CEP112: variants seen among roughly 807,000 people sequenced by gnomAD.
The protein encoded by CEP112 is centrosomal protein 112.
In CEP112, 127 loss-of-function variants were observed where a neutral mutation model predicts 153.0. That is an observed-to-expected ratio of 0.83 (90% CI 0.72 to 0.96). CEP112 has a LOEUF of 0.96. Ranked by LOEUF, CEP112 falls within the 40% of genes least tolerant of loss-of-function variation. The probability of loss-of-function intolerance (pLI) is 0.00; values close to 1 mark genes in which losing one functional copy is unlikely to be tolerated. For synonymous variants in CEP112, 358 were observed against 374.4 expected (o/e 0.96, Z 0.51); for missense variants, 1,089 against 1,101.2 (o/e 0.99, Z 0.16).
intron 24 of CEP112, among the ~76,000 whole-genome samples, chr17:65,672,506 T>C (rs1321808659): frequency 6.6e-6 from 1 of 152,242 alleles, no homozygotes; most frequent in African/African-American, 2.4e-5. Context: ...TCTTTATAGA[T>C]GATATTTACT....
At chr17:65,682,572 C>G (rs1173267000) in intron 24 of CEP112, among the ~76,000 whole-genome samples, 3 of 152,162 alleles carry the variant, frequency 2.0e-5, no homozygotes, top group African/African-American at 7.2e-5. Flanking sequence ...GCATTCCATC[C>G]AGAATTGGCT....
At chr17:66,047,336 C>T (rs9910065) in intron 12 of CEP112, among the ~76,000 whole-genome samples, 8,132 of 152,160 alleles carry the variant, frequency 0.053, 287 homozygotes, top group African/African-American at 0.087. Flanking sequence ...AGGCTGGTCT[C>T]GAACTCCTGA....
intron 18 of CEP112, among the ~76,000 whole-genome samples, chr17:65,955,347 T>C (rs1387528037): frequency 6.6e-6 from 1 of 152,136 alleles, no homozygotes; most frequent in African/African-American, 2.4e-5. Flanking sequence ...CACCACTAAA[T>C]GAACTGCTAA....
At chr17:66,168,876 C>CATGCTT (rs2072114909) in intron 4 of CEP112, among the ~76,000 whole-genome samples, 2 of 152,116 alleles carry the variant, frequency 1.3e-5, no homozygotes, top group Non-Finnish European at 2.9e-5. Flanking sequence ...GGCTCTCACC[C>CATGCTT]ATGCTTCTCC....
At chr17:65,987,285 C>T (rs1221917269) in intron 17 of CEP112, among the ~76,000 whole-genome samples, 7 of 151,732 alleles carry the variant, frequency 4.6e-5, no homozygotes, top group African/African-American at 1.2e-4. Context: ...ATGCAGAGCA[C>T]AATAAAAATT....
intron 4 of CEP112, among the ~76,000 whole-genome samples, chr17:66,169,221 A>G (rs1385862337): frequency 5.9e-5 from 9 of 151,960 alleles, no homozygotes; most frequent in African/African-American, 2.2e-4. Flanking sequence ...GACATAGCTG[A>G]GTAAAAAAAA....
At chr17:65,733,023 G>C (rs936537273) in intron 23 of CEP112, among the ~76,000 whole-genome samples, 1 of 152,232 alleles carries the variant, frequency 6.6e-6, no homozygotes, top group South Asian at 2.1e-4. Flanking sequence ...CTTTGGGCCT[G>C]TCTCGGCTTT....
chr17:65,961,729 C>A, intron 17 of CEP112, 131 bp from the exon 18 acceptor site: 1 of 790,106 alleles, frequency 1.3e-6, no homozygotes, highest in South Asian at 2.5e-5. Flanking sequence ...ACAAAACTTC[C>A]CTTTAGAAAT....
chr17:65,920,393 AT>A (rs1299156678), intron 19 of CEP112, among the ~76,000 whole-genome samples: 3 of 111,230 alleles, frequency 2.7e-5, no homozygotes, highest in East Asian at 2.9e-4. Flanking sequence ...ATATATATAT[AT>A]ATATATATAT....
At chr17:66,006,288 C>A (rs1191015416) in intron 16 of CEP112, among the ~76,000 whole-genome samples, 1 of 152,026 alleles carries the variant, frequency 6.6e-6, no homozygotes, top group Non-Finnish European at 1.5e-5. Flanking sequence ...AATGAGATGG[C>A]AGCATCAATA....
At chr17:65,995,184 G>C (rs34030101) in intron 17 of CEP112, among the ~76,000 whole-genome samples, 9 of 125,160 alleles carry the variant, frequency 7.2e-5, no homozygotes, top group Non-Finnish European at 1.5e-4. Context: ...GGGGGGTGGG[G>C]AGGCAAGTTT....
At chr17:66,181,341 T>C (rs1251305889) in intron 2 of CEP112, among the ~76,000 whole-genome samples, 1 of 152,162 alleles carries the variant, frequency 6.6e-6, no homozygotes, top group East Asian at 1.9e-4. Context: ...GAATTCTATG[T>C]ACCTAACTTT....
intron 6 of CEP112, among the ~76,000 whole-genome samples, chr17:66,121,870 G>A (rs182470027): frequency 6.6e-6 from 1 of 151,798 alleles, no homozygotes; most frequent in East Asian, 1.9e-4. Context: ...ATGTGATATG[G>A]TCATCACAGC....
Position 66,170,798 on chromosome 17 carries a change from T to C in CEP112, c.470+4246A>G, listed in dbSNP as rs139455359. On this transcript the variant is annotated intron_variant, in intron 4 of 26. Coordinates refer to ENST00000535342, the MANE Select transcript of CEP112 (RefSeq NM_001199165.4). ...AAAAAAGAAAAAGAAAATAGGCAGA[T>C]ATTTGACATAAAAATGCAGTAACAG... Among the ~76,000 whole-genome samples, 107 of 152,008 alleles carry C rather than the reference T, an allele frequency of 7.0e-4. 2 individuals carry two copies. In the East Asian group the frequency reaches 0.019, roughly 28 times the overall value.
chr17:65,951,059 A>G (rs983051754), intron 18 of CEP112, among the ~76,000 whole-genome samples: 3 of 152,256 alleles, frequency 2.0e-5, no homozygotes, highest in African/African-American at 7.2e-5. Context: ...CTAATGTTAA[A>G]ACAATCTTGG....
At chr17:66,186,576 A>T (rs1305891241) in intron 1 of CEP112, among the ~76,000 whole-genome samples, 1 of 152,154 alleles carries the variant, frequency 6.6e-6, no homozygotes, top group East Asian at 1.9e-4. Flanking sequence ...GGCATGAGCC[A>T]CCATGCCCAG....
rs955231098 is a variant in CEP112, at chr17:66,088,241, G to A, written c.768+8010C>T. On this transcript the variant is annotated intron_variant, in intron 8 of 26. Transcript: ENST00000535342. ...CTCCAGGCCAGTACCCACAGACTGAGCCTCTAGGCCTAATTTGGCACAATG... is the reference window on the plus strand; with the variant it reads ...CTCCAGGCCAGTACCCACAGACTGAACCTCTAGGCCTAATTTGGCACAATG... Among the ~76,000 whole-genome samples the A allele has an allele frequency of 4.6e-5, 7 of 151,186 alleles. No individual in the cohort carries two copies. In the East Asian group the frequency reaches 1.4e-3, roughly 30 times the overall value.
intron 4 of CEP112, 28 bp from the exon 5 acceptor site, chr17:66,132,791 A>C: frequency 7.1e-7 from 1 of 1,416,232 alleles, no homozygotes; most frequent in Non-Finnish European, 1.0e-6. Context: ...TCGCAATCAC[A>C]ATTTGGAGAA....
At chr17:65,971,613 A>G (rs1031916469) in intron 17 of CEP112, among the ~76,000 whole-genome samples, 4 of 145,692 alleles carry the variant, frequency 2.7e-5, no homozygotes, top group Non-Finnish European at 3.0e-5. Context: ...TGTGCATATT[A>G]TATGTATATC....
Sources: allele counts gnomAD v4.1 joint callset (sites outside exome capture counted in the v4.1 genomes callset), GRCh38; gene constraint gnomAD v4.1.1; transcripts MANE v1.5; gene names NCBI Gene and HGNC (gene_info 2026-07-23, HGNC 2026-07-21).